The following CEP63 variants were observed in gnomAD, a reference collection of about 807,000 sequenced individuals.
The protein encoded by CEP63 is centrosomal protein 63, also known as centrosomal protein of 63 kDa.
A neutral mutation model predicts 89.1 loss-of-function variants in CEP63; 84 were observed. The observed-to-expected ratio is 0.94, with a 90% CI of 0.79 to 1.13. CEP63 has a LOEUF of 1.13. CEP63 is among the 50% of genes most tolerant of loss of function. The pLI is 0.00. For synonymous variants in CEP63, 267 were observed against 272.5 expected (o/e 0.98, Z 0.20); for missense variants, 838 against 813.3 (o/e 1.03, Z -0.37).
the CEP63 span, chr3:134,610,067 G>A: frequency 2.0e-6 from 2 of 985,964 alleles, no homozygotes; most frequent in Non-Finnish European, 1.5e-6. Context: ...CCGAGGAGGA[G>A]TGGGCATGGG....
the CEP63 span, chr3:134,607,264 G>T: frequency 1.0e-6 from 1 of 985,510 alleles, no homozygotes; most frequent in Non-Finnish European, 1.2e-6. Context: ...GGTATTTGGA[G>T]TTGGAAGAGT....
the CEP63 span, among the ~76,000 whole-genome samples, chr3:134,623,270 C>A: frequency 6.6e-6 from 1 of 152,150 alleles, no homozygotes; most frequent in Non-Finnish European, 1.5e-5. Flanking sequence ...GGCCAGCAGC[C>A]TGACCCATCC....
In CEP63 at chr3:134,581,330, A is replaced by G. The variant is rs138495509; in HGVS notation, c.1207-6128A>G. Among the ~76,000 whole-genome samples, 569 of 152,244 alleles carry G rather than the reference A, an allele frequency of 3.7e-3. 6 individuals carry two copies. The highest frequency in any genetic ancestry group is 0.034 in the Middle Eastern group (10 of 294). On this transcript the variant is annotated intron_variant, in intron 10 of 10. Transcript: ENST00000683931. ...ACGCGGTGGCTCACACCTGTAATCC[A>G]AGCACTTTGGGAGGCCAAGGCGGTG...
the CEP63 span, among the ~76,000 whole-genome samples, chr3:134,652,693 AC>A: frequency 1.3e-5 from 2 of 151,800 alleles, no homozygotes; most frequent in African/African-American, 4.8e-5. Context: ...GCTAACACTT[AC>A]TCTCTATGTG....
At position 134,564,899 on chromosome 3, in the gene CEP63, G is replaced by GT. The variant is rs1380864322; in HGVS notation, c.*3370dup. The GT allele has an allele frequency of 5.1e-6, 5 of 984,614 alleles. No homozygotes were observed. The African/African-American group carries it at 7.0e-5, about 14-fold the overall frequency. The allele number at this position is 984,614 out of a possible 1,614,324, so 61.0% of individuals were successfully genotyped here. On this transcript the variant is annotated 3_prime_UTR_variant, in exon 15 of 15. Transcript: ENST00000675561. ...ACTATGTATTTCCTTAAATTATACTGTTTTTTAAAGCTGAAGTATCTAATA... is the reference window on the plus strand; with the variant it reads ...ACTATGTATTTCCTTAAATTATACTGTTTTTTTAAAGCTGAAGTATCTAATA...
chr3:134,712,286 T>A, the CEP63 span, among the ~76,000 whole-genome samples: 3 of 152,140 alleles, frequency 2.0e-5, no homozygotes, highest in Non-Finnish European at 4.4e-5. Context: ...ATTTGGTAAT[T>A]TTTCCCCCTC....
At chr3:134,569,770 C>T (rs1364807909), downstream of CEP63, among the ~76,000 whole-genome samples, 1 of 152,218 alleles carries the variant, frequency 6.6e-6, no homozygotes, top group East Asian at 1.9e-4. Flanking sequence ...TGTGGGGGCT[C>T]TGACCCCACA....
the CEP63 span, chr3:134,603,493 G>T: frequency 8.1e-7 from 1 of 1,232,866 alleles, no homozygotes; most frequent in Non-Finnish European, 1.1e-6. Flanking sequence ...ACTCAGTGGT[G>T]TCCAGGGCTC....
downstream of CEP63, among the ~76,000 whole-genome samples, chr3:134,592,205 T>C (rs930301821): frequency 6.6e-6 from 1 of 152,228 alleles, no homozygotes; most frequent in Admixed American, 6.5e-5. Context: ...CTCCAGAGGC[T>C]GCTCGAGCAT....
intron 3 of CEP63, among the ~76,000 whole-genome samples, chr3:134,523,179 T>G (rs13059720): frequency 0.31 from 47,801 of 152,142 alleles, 7,753 homozygotes; most frequent in African/African-American, 0.34. Context: ...TTTATATGAT[T>G]GTTGGCTGCC....
rs776795541 is a variant in CEP63 at position 134,559,385 on chromosome 3, A to G, written c.1909A>G (p.Thr637Ala). ...LDTNEANFSD[T>A]MSESMNDQEE... ...TACAAATGAAGCCAATTTTTCTGAC[A>G]CTATGTCTGAGAGTATGAATGACCA... Residue 637 changes from threonine (T) to alanine (A), a missense_variant, in exon 14 of 15, where the codon ACT becomes GCT. Physicochemically the swap from Thr to Ala is moderately conservative, Grantham distance 58. Transcript: ENST00000675561. The G allele has an allele frequency of 6.8e-6, 11 of 1,613,868 alleles. No homozygotes were observed. The African/African-American group carries it at 1.2e-4, about 18-fold the overall frequency.
the CEP63 span, among the ~76,000 whole-genome samples, chr3:134,729,452 C>G: frequency 2.6e-5 from 4 of 152,176 alleles, no homozygotes; most frequent in African/African-American, 7.2e-5. Context: ...GCCTGCATAG[C>G]ATTCCACTGC....
chr3:134,780,483 A>T, the CEP63 span: 1 of 152,172 alleles, frequency 6.6e-6, no homozygotes, highest in South Asian at 2.1e-4. Flanking sequence ...TAGATATTTC[A>T]TGTAAGTGGA....
Position 134,564,900 on chromosome 3 carries a change from T to C in CEP63, c.*3365T>C. On this transcript the variant is annotated 3_prime_UTR_variant, in exon 15 of 15. Transcript: ENST00000675561. ...CTATGTATTTCCTTAAATTATACTG[T>C]TTTTTAAAGCTGAAGTATCTAATAG... 1 of 984,544 alleles carries C rather than the reference T, an allele frequency of 1.0e-6. No homozygotes were observed. The highest frequency in any genetic ancestry group is 1.2e-6 in the Non-Finnish European group (1 of 829,116). 61.0% of individuals were successfully genotyped at this position (984,544 alleles called of 1,614,324 possible).
intron 14 of CEP63, among the ~76,000 whole-genome samples, chr3:134,560,844 A>G (rs1039043760): frequency 9.2e-5 from 14 of 152,182 alleles, no homozygotes; most frequent in African/African-American, 3.1e-4. Flanking sequence ...AACTACTGCT[A>G]TTGTGAATGA....
chr3:134,490,903 G>C (rs1373935128), intron 1 of CEP63, among the ~76,000 whole-genome samples: 1 of 152,178 alleles, frequency 6.6e-6, no homozygotes, highest in Non-Finnish European at 1.5e-5. Flanking sequence ...CTCCTTAGGA[G>C]TATGTAGAGA....
At chr3:134,517,276 T>G (rs913007894) in intron 3 of CEP63, among the ~76,000 whole-genome samples, 1 of 152,184 alleles carries the variant, frequency 6.6e-6, no homozygotes, top group Non-Finnish European at 1.5e-5. Context: ...TGTCTGCGTA[T>G]CTAATGTGTC....
rs986987949 is a variant in CEP63, at chr3:134,519,394, A to G, written c.222+12108A>G. ...GGTGATCTGCCCGCCTCAGCCACCC[A>G]AAGTGCTGGGATTACAGGCGTGAGC... On this transcript the variant is annotated intron_variant, in intron 3 of 14. Transcript: ENST00000675561. Among the ~76,000 whole-genome samples the G allele has an allele frequency of 3.3e-5, 5 of 151,818 alleles. No homozygotes were observed. The East Asian group carries it at 9.7e-4, about 29-fold the overall frequency.
At chr3:134,767,438 C>T in the CEP63 span, among the ~76,000 whole-genome samples, 1 of 152,168 alleles carries the variant, frequency 6.6e-6, no homozygotes, top group Non-Finnish European at 1.5e-5. Flanking sequence ...TGGCCTTCCA[C>T]GCTCCACACT....
Sources: gnomAD v4.1 joint callset for allele counts (sites outside exome capture counted in the v4.1 genomes callset) on GRCh38, gnomAD v4.1.1 for gene constraint, MANE v1.5 for transcripts, NCBI Gene and HGNC (gene_info 2026-07-23, HGNC 2026-07-21) for gene names.